SLC12A6: variants seen among roughly 807,000 people sequenced by gnomAD.
SLC12A6 encodes the protein K-Cl cotransporter 3.
In SLC12A6, 66 loss-of-function variants were observed where a neutral mutation model predicts 135.3. The observed-to-expected ratio is 0.49, with a 90% CI of 0.40 to 0.60. The LOEUF is 0.60. Ranked by LOEUF, SLC12A6 falls within the 20% of genes least tolerant of loss-of-function variation. The pLI is 0.00. For missense variants in SLC12A6, 1,058 were observed against 1,452.3 expected (o/e 0.73, Z 4.41); for synonymous variants, 513 against 508.8 (o/e 1.01, Z -0.11).
chr15:34,242,665 A>T (rs113279059), intron 16 of SLC12A6, among the ~76,000 whole-genome samples: 7 of 152,206 alleles, frequency 4.6e-5, no homozygotes, highest in Non-Finnish European at 7.3e-5. Context: ...GGATCTTTTT[A>T]AAAAATTTCA....
chr15:34,304,552 ATC>A (rs948324593), intron 2 of SLC12A6, among the ~76,000 whole-genome samples: 2 of 152,204 alleles, frequency 1.3e-5, no homozygotes, highest in African/African-American at 4.8e-5. Context: ...AACACTTGAT[ATC>A]TGTCTTTTTG....
chr15:34,235,431 A>ATTTTTTTT lies in SLC12A6; in HGVS notation c.3228-125_3228-118dup, dbSNP rs371322623. Reference sequence around the variant, plus strand: ...TGACTATGGATAATCTGATAAAATGATTTTTTTTTTTTTTTTTTTTGAGAG... The same window carrying ATTTTTTTT: ...TGACTATGGATAATCTGATAAAATGATTTTTTTTTTTTTTTTTTTTTTTTTTTTGAGAG... On this transcript the variant is annotated intron_variant, in intron 24 of 25. Coordinates refer to ENST00000354181, the MANE Select transcript of SLC12A6 (RefSeq NM_001365088.1). The ATTTTTTTT allele has an allele frequency of 2.3e-3, 1,147 of 502,052 alleles. 3 individuals are homozygous for ATTTTTTTT. Among genetic ancestry groups the ATTTTTTTT allele is most frequent in the Middle Eastern group, 6.2e-3 (10 of 1,612 alleles). The allele number at this position is 502,052 out of a possible 1,614,324, so 31.1% of individuals were successfully genotyped here.
chr15:34,288,098 T>C lies in SLC12A6; in HGVS notation c.272-12709A>G, dbSNP rs575984788. 4.6e-5 allele frequency among the ~76,000 whole-genome samples: 7 copies of C among 152,360 alleles called. No individual in the cohort carries two copies. The East Asian group carries it at 1.3e-3, about 29-fold the overall frequency. ...ATTGCCCAGGTTTTCTTCTAGGATTTTTATGGTCCTAGGTCTTATGTTTAA... is the reference window on the plus strand; with the variant it reads ...ATTGCCCAGGTTTTCTTCTAGGATTCTTATGGTCCTAGGTCTTATGTTTAA... On this transcript the variant is annotated intron_variant, in intron 2 of 25. Transcript: ENST00000354181.
intron 20 of SLC12A6, 135 bp downstream of exon 20, chr15:34,238,830 T>C: frequency 2.5e-6 from 2 of 807,434 alleles, no homozygotes; most frequent in African/African-American, 1.7e-5. Flanking sequence ...TTACTACCAA[T>C]AGTTTTTCAG....
At chr15:34,259,044 A>G in intron 4 of SLC12A6, 100 bp from the exon 5 acceptor site, 1 of 1,051,766 alleles carries the variant, frequency 9.5e-7, no homozygotes, top group Non-Finnish European at 1.4e-6. Flanking sequence ...AAATGAAAAA[A>G]TATTTCACAG....
intron 2 of SLC12A6, among the ~76,000 whole-genome samples, chr15:34,278,676 A>AT: frequency 6.6e-6 from 1 of 151,782 alleles, no homozygotes; most frequent in Non-Finnish European, 1.5e-5. Context: ...GGTTCAAGCA[A>AT]TTTTCTGCCT....
chr15:34,297,075 A>T (rs1017698300), intron 2 of SLC12A6, among the ~76,000 whole-genome samples: 1 of 152,186 alleles, frequency 6.6e-6, no homozygotes, highest in Non-Finnish European at 1.5e-5. Flanking sequence ...CAGCTAACTG[A>T]AAGTTGGAAG....
At chr15:34,282,467 C>T (rs1894753544) in intron 2 of SLC12A6, among the ~76,000 whole-genome samples, 1 of 152,116 alleles carries the variant, frequency 6.6e-6, no homozygotes, top group South Asian at 2.1e-4. Context: ...AAAGATAACT[C>T]CCTGGCTGGG....
intron 3 of SLC12A6, among the ~76,000 whole-genome samples, chr15:34,262,006 C>G (rs764598525): frequency 6.0e-5 from 9 of 150,376 alleles, no homozygotes; most frequent in Admixed American, 4.6e-4. Context: ...TGGGTATATA[C>G]CCAAAGGAAA....
chr15:34,285,718 C>CACACACACACACACAT (rs1555385547), intron 2 of SLC12A6, among the ~76,000 whole-genome samples: 41 of 66,100 alleles, frequency 6.2e-4, no homozygotes, highest in African/African-American at 1.5e-3. Context: ...GTGTGTTTGT[C>CACACACACACACACAT]ATACATAAAA....
chr15:34,293,457 C>T (rs1895678212), intron 2 of SLC12A6, among the ~76,000 whole-genome samples: 1 of 152,172 alleles, frequency 6.6e-6, no homozygotes, highest in Non-Finnish European at 1.5e-5. Context: ...GTGCCCACTG[C>T]CACATCCAGC....
intron 2 of SLC12A6, among the ~76,000 whole-genome samples, chr15:34,313,147 G>A (rs1017600191): frequency 1.3e-4 from 20 of 152,192 alleles, no homozygotes; most frequent in African/African-American, 4.6e-4. Flanking sequence ...TCAAAAGCTT[G>A]AAATGATTAA....
At chr15:34,292,798 G>A (rs143857185) in intron 2 of SLC12A6, among the ~76,000 whole-genome samples, 16 of 152,320 alleles carry the variant, frequency 1.1e-4, no homozygotes, top group African/African-American at 3.6e-4. Flanking sequence ...GCAAGGCTCC[G>A]TGGGTGTGGG....
Position 34,233,856 on chromosome 15 carries a change from G to T in SLC12A6, c.*25C>A. On this transcript the variant is annotated 3_prime_UTR_variant, in exon 26 of 26. Coordinates refer to ENST00000354181, the MANE Select transcript of SLC12A6 (RefSeq NM_001365088.1). ...GGACGTAGGCCTTTTAAGAAAACAGGTCAAGCACGGTCATTCAGAGTAGGT... is the reference window on the plus strand; with the variant it reads ...GGACGTAGGCCTTTTAAGAAAACAGTTCAAGCACGGTCATTCAGAGTAGGT... The T allele has an allele frequency of 7.6e-7, 1 of 1,321,102 alleles. No homozygotes were observed. Among genetic ancestry groups the T allele is most frequent in the Non-Finnish European group, 1.1e-6 (1 of 912,196 alleles). 81.8% of individuals were successfully genotyped at this position (1,321,102 alleles called of 1,614,324 possible).
Position 34,233,765 on chromosome 15 carries a change from G to T in SLC12A6, c.*116C>A. On this transcript the variant is annotated 3_prime_UTR_variant, in exon 26 of 26. Transcript: ENST00000354181. ...GCTCAGCTCATCAAGAGTTCAGTAT[G>T]ATGTGTACAGAACACAGGCTTCTAG... 1 of 723,386 alleles carries T rather than the reference G, an allele frequency of 1.4e-6. No homozygotes were observed. 44.8% of individuals were successfully genotyped at this position (723,386 alleles called of 1,614,324 possible).
intron 2 of SLC12A6, among the ~76,000 whole-genome samples, chr15:34,316,184 A>G (rs575167088): frequency 1.3e-5 from 2 of 152,354 alleles, no homozygotes; most frequent in South Asian, 4.1e-4. Context: ...ATGACACTAC[A>G]TATTTTTCTC....
At chr15:34,307,398 G>C (rs1165104346) in intron 2 of SLC12A6, among the ~76,000 whole-genome samples, 2 of 152,104 alleles carry the variant, frequency 1.3e-5, no homozygotes, top group Admixed American at 1.3e-4. Context: ...CCTCAATACA[G>C]GTGAAGAGAT....
At chr15:34,320,375 T>C (rs1333739320) in intron 2 of SLC12A6, among the ~76,000 whole-genome samples, 1 of 152,070 alleles carries the variant, frequency 6.6e-6, no homozygotes, top group East Asian at 1.9e-4. Flanking sequence ...TTATGTTAAG[T>C]GAAATAAGCC....
intron 2 of SLC12A6, among the ~76,000 whole-genome samples, chr15:34,279,297 G>C (rs574191220): frequency 1.3e-5 from 2 of 151,820 alleles, no homozygotes; most frequent in African/African-American, 2.4e-5. Context: ...CTGGGCGACA[G>C]AGCAAGACTC....
Sources: allele counts gnomAD v4.1 joint callset (sites outside exome capture counted in the v4.1 genomes callset), GRCh38; gene constraint gnomAD v4.1.1; transcripts MANE v1.5; gene names NCBI Gene and HGNC (gene_info 2026-07-23, HGNC 2026-07-21).